Variants in NFILZ observed in about 807,000 individuals in gnomAD.
The protein encoded by NFILZ is NFIL3 like protein.
At chr19:8,653,472 C>G (rs1409168215) in intron 3 of NFILZ, among the ~76,000 whole-genome samples, 3 of 152,132 alleles carry the variant, frequency 2.0e-5, no homozygotes, top group Admixed American at 2.0e-4. Flanking sequence ...ATGATCCCAG[C>G]TGGTGTCAAA....
rs1555751348 is a variant in NFILZ at position 8,680,481 on chromosome 19, T to A, written c.*2846T>A. On this transcript the variant is annotated 3_prime_UTR_variant, in exon 6 of 6. Coordinates refer to ENST00000691075, the MANE Select transcript of NFILZ (RefSeq NM_001378600.1). Reference sequence around the variant, plus strand: ...TTTTGTGGTTTGTACATTTTTGTCATGTTTAAGACAACTTCCATGTCTCAA... The same window carrying A: ...TTTTGTGGTTTGTACATTTTTGTCAAGTTTAAGACAACTTCCATGTCTCAA... Among the ~76,000 whole-genome samples the A allele has an allele frequency of 6.6e-6, 1 of 152,212 alleles. No individual in the cohort carries two copies. Among genetic ancestry groups the A allele is most frequent in the Non-Finnish European group, 1.5e-5 (1 of 68,040 alleles).
chr19:8,653,038 T>TTCTTTCTCTCTCCCTCTCTCTCTCTCTC (rs1555747925), intron 3 of NFILZ, among the ~76,000 whole-genome samples: 6 of 90,502 alleles, frequency 6.6e-5, no homozygotes, highest in African/African-American at 9.5e-5. Flanking sequence ...CTTTCTTTCT[T>TTCTTTCTCTCTCCCTCTCTCTCTCTCTC]TCTCTCTCTC....
rs528224706 is a variant in NFILZ at position 8,632,155 on chromosome 19, C to T, written c.-410-321C>T. ...AAGTGCTGGGATTACAGGCGTGAGC[C>T]ACCGCGCCCGGCCGCCCTTGTGTTT... On this transcript the variant is annotated intron_variant, in intron 1 of 5. Transcript: ENST00000691075. 2.8e-3 allele frequency among the ~76,000 whole-genome samples: 426 copies of T among 152,044 alleles called. 4 individuals are homozygous for T. The highest frequency in any genetic ancestry group is 9.8e-3 in the African/African-American group (408 of 41,460).
At chr19:8,654,420 C>G (rs1391210084) in intron 3 of NFILZ, among the ~76,000 whole-genome samples, 1 of 151,820 alleles carries the variant, frequency 6.6e-6, no homozygotes, top group East Asian at 1.9e-4. Context: ...GAGTTCGAGA[C>G]CAGCCTGGGC....
At chr19:8,644,915 G>A (rs1211993755) in intron 3 of NFILZ, among the ~76,000 whole-genome samples, 2 of 151,760 alleles carry the variant, frequency 1.3e-5, no homozygotes, top group Admixed American at 6.6e-5. Flanking sequence ...ACAGGCAAAC[G>A]CCTCCATTCC....
At position 8,654,283 on chromosome 19, in the gene NFILZ, C is replaced by T. The variant is rs2042982217; in HGVS notation, c.-164+18537C>T. On this transcript the variant is annotated intron_variant, in intron 3 of 5. Coordinates refer to ENST00000691075, the MANE Select transcript of NFILZ (RefSeq NM_001378600.1). ...ACAAACAAACCAAAAAACCAAAAACCAAAAACAAAAACCACTTTTACCCCA... is the reference window on the plus strand; with the variant it reads ...ACAAACAAACCAAAAAACCAAAAACTAAAAACAAAAACCACTTTTACCCCA... 2.8e-5 allele frequency among the ~76,000 whole-genome samples: 4 copies of T among 144,356 alleles called. 1 individual carries two copies. In the South Asian group the frequency reaches 8.9e-4, roughly 32 times the overall value. 94.7% of individuals were successfully genotyped at this position (144,356 alleles called of 152,430 possible). A position where few individuals can be genotyped will look rare whatever the true frequency, so the allele number is the denominator to read the frequency against.
chr19:8,667,405 C>G (rs1489691378), intron 3 of NFILZ, among the ~76,000 whole-genome samples: 1 of 152,160 alleles, frequency 6.6e-6, no homozygotes, highest in Non-Finnish European at 1.5e-5. Context: ...TTTCTGGGAA[C>G]TACAGTCATC....
chr19:8,650,014 C>G lies in NFILZ; in HGVS notation c.-164+14268C>G, dbSNP rs548545972. ...CCTGTAATCCCAGCCACTTGGGAGG[C>G]TGAGGCAGGAGAATGGCGTGAACCC... On this transcript the variant is annotated intron_variant, in intron 3 of 5. Coordinates refer to ENST00000691075, the MANE Select transcript of NFILZ (RefSeq NM_001378600.1). Among the ~76,000 whole-genome samples the G allele has an allele frequency of 5.9e-5, 9 of 151,724 alleles. No individual in the cohort carries two copies. The East Asian group carries it at 1.8e-3, about 30-fold the overall frequency.
intron 3 of NFILZ, among the ~76,000 whole-genome samples, chr19:8,666,413 C>T (rs1396193214): frequency 6.6e-6 from 1 of 151,796 alleles, no homozygotes; most frequent in African/African-American, 2.4e-5. Context: ...TAGGCTCAAG[C>T]GATCCACCTG....
chr19:8,652,917 C>G (rs1183541509), intron 3 of NFILZ, among the ~76,000 whole-genome samples: 2 of 142,090 alleles, frequency 1.4e-5, no homozygotes, highest in Non-Finnish European at 3.1e-5. Flanking sequence ...CCTTCTCTCT[C>G]TCTCTTCTCT....
In NFILZ at chr19:8,630,957, C is replaced by T. The variant is rs1295842644; in HGVS notation, c.-411+213C>T. On this transcript the variant is annotated intron_variant, in intron 1 of 5. Coordinates refer to ENST00000691075, the MANE Select transcript of NFILZ (RefSeq NM_001378600.1). The stretch of plus-strand genomic sequence containing the variant: ...TAATTGGGGCCTTGGATGCCCGGGT[C>T]GTGTTGCATGGAACTGCGGCCAAGT... Among the ~76,000 whole-genome samples, 6 of 152,128 alleles carry T rather than the reference C, an allele frequency of 3.9e-5. No individual in the cohort carries two copies. In the East Asian group the frequency reaches 9.6e-4, roughly 24 times the overall value.
At chr19:8,657,757 T>C (rs1555748657) in intron 3 of NFILZ, among the ~76,000 whole-genome samples, 1 of 152,172 alleles carries the variant, frequency 6.6e-6, no homozygotes. Flanking sequence ...AGCAGGTTTC[T>C]GGGGGGCTCT....
intron 3 of NFILZ, among the ~76,000 whole-genome samples, chr19:8,670,549 G>T (rs1377929569): frequency 6.6e-6 from 1 of 152,224 alleles, no homozygotes; most frequent in Non-Finnish European, 1.5e-5. Context: ...CAAAAGGCAG[G>T]CGCCATGAGA....
intron 3 of NFILZ, among the ~76,000 whole-genome samples, chr19:8,668,202 T>C (rs10417625): frequency 0.21 from 32,598 of 152,070 alleles, 3,833 homozygotes; most frequent in East Asian, 0.52. Context: ...CTGCCTGCCT[T>C]GGCCTCCCAA....
chr19:8,646,641 G>T (rs1327718573), intron 3 of NFILZ, among the ~76,000 whole-genome samples: 1 of 152,126 alleles, frequency 6.6e-6, no homozygotes, highest in East Asian at 1.9e-4. Context: ...CACTGTGGCC[G>T]GCAAGCCCTG....
intron 3 of NFILZ, among the ~76,000 whole-genome samples, chr19:8,649,694 C>T (rs1456374158): frequency 2.0e-5 from 3 of 152,176 alleles, no homozygotes; most frequent in Admixed American, 2.0e-4. Flanking sequence ...GTGGGGAAAG[C>T]AGTTTGCCTC....
Position 8,679,822 on chromosome 19 carries a change from T to C in NFILZ, c.*2187T>C, listed in dbSNP as rs1321155914. On this transcript the variant is annotated 3_prime_UTR_variant, in exon 6 of 6. Coordinates refer to ENST00000691075, the MANE Select transcript of NFILZ (RefSeq NM_001378600.1). ...TAAATGAGCCCATTCCCTAGAAATA[T>C]ATTGTGAATATTAAATAAGAGGCAG... Among the ~76,000 whole-genome samples, 3 of 152,166 alleles carry C rather than the reference T, an allele frequency of 2.0e-5. No homozygotes were observed. Among genetic ancestry groups the C allele is most frequent in the African/African-American group, 7.2e-5 (3 of 41,430 alleles).
rs1369952280 is a variant in NFILZ at position 8,681,055 on chromosome 19, G to C, written c.*3420G>C. ...CCTTTCTGAGTGATATGGGCATGAG[G>C]GGGACGTTTCCAAGTATATTTCTGT... On this transcript the variant is annotated 3_prime_UTR_variant, in exon 6 of 6. Coordinates refer to ENST00000691075, the MANE Select transcript of NFILZ (RefSeq NM_001378600.1). Among the ~76,000 whole-genome samples the C allele has an allele frequency of 1.3e-5, 2 of 151,962 alleles. No individual in the cohort carries two copies. Among genetic ancestry groups the C allele is most frequent in the African/African-American group, 4.8e-5 (2 of 41,352 alleles).
At chr19:8,659,309 T>C (rs2043019294) in intron 3 of NFILZ, among the ~76,000 whole-genome samples, 1 of 152,074 alleles carries the variant, frequency 6.6e-6, no homozygotes, top group Admixed American at 6.6e-5. Context: ...CACAGATACC[T>C]GTAAAATCGC....
Sources: gnomAD v4.1 joint callset for allele counts (sites outside exome capture counted in the v4.1 genomes callset) on GRCh38, gnomAD v4.1.1 for gene constraint, MANE v1.5 for transcripts, NCBI Gene and HGNC (gene_info 2026-07-23, HGNC 2026-07-21) for gene names.